Variants in NMNAT2 observed in about 807,000 individuals in gnomAD.
The protein encoded by NMNAT2 is nicotinamide nucleotide adenylyltransferase 2.
NMNAT2 carries 11 observed loss-of-function variants against 41.6 expected under a neutral mutation model. The observed-to-expected ratio is 0.26, with a 90% CI of 0.17 to 0.44. The LOEUF is 0.44. NMNAT2 is among the 20% of genes least tolerant of loss of function. The probability of loss-of-function intolerance (pLI) is 1.00; values close to 1 mark genes in which losing one functional copy is unlikely to be tolerated. For synonymous variants in NMNAT2, 148 were observed against 151.2 expected (o/e 0.98, Z 0.16); for missense variants, 288 against 407.7 (o/e 0.71, Z 2.53).
intron 1 of NMNAT2, among the ~76,000 whole-genome samples, chr1:183,353,814 A>ATCCTGT (rs1255486624): frequency 1.3e-5 from 2 of 152,174 alleles, no homozygotes; most frequent in Non-Finnish European, 2.9e-5. Flanking sequence ...AGCTGGGAAC[A>ATCCTGT]TCCTGTTCCT....
At chr1:183,412,168 G>A (rs1285518127) in intron 1 of NMNAT2, among the ~76,000 whole-genome samples, 2 of 152,216 alleles carry the variant, frequency 1.3e-5, no homozygotes, top group African/African-American at 4.8e-5. Flanking sequence ...TGGAGCAAAG[G>A]AGCAACATGA....
intron 1 of NMNAT2, among the ~76,000 whole-genome samples, chr1:183,417,817 C>T (rs1649298137): frequency 6.6e-6 from 1 of 152,206 alleles, no homozygotes; most frequent in South Asian, 2.1e-4. Context: ...CTACTCGGCG[C>T]CCCAACCTCT....
At chr1:183,408,303 G>A (rs1226761358) in intron 1 of NMNAT2, among the ~76,000 whole-genome samples, 9 of 152,160 alleles carry the variant, frequency 5.9e-5, no homozygotes, top group Admixed American at 5.9e-4. Context: ...AAAACATCCA[G>A]AGATAATACA....
At chr1:183,411,534 C>A (rs1649116966) in intron 1 of NMNAT2, among the ~76,000 whole-genome samples, 1 of 151,918 alleles carries the variant, frequency 6.6e-6, no homozygotes. Flanking sequence ...AAACTCCTGA[C>A]CTCAAGTGAT....
At chr1:183,276,392 C>T (rs1473769412) in intron 8 of NMNAT2, among the ~76,000 whole-genome samples, 3 of 152,216 alleles carry the variant, frequency 2.0e-5, no homozygotes, top group Admixed American at 6.5e-5. Flanking sequence ...GCTCTTCTCC[C>T]TGGTCCTATA....
At chr1:183,383,501 GC>G (rs34743723) in intron 1 of NMNAT2, among the ~76,000 whole-genome samples, 14,276 of 152,142 alleles carry the variant, frequency 0.094, 664 homozygotes, top group Admixed American at 0.11. Context: ...AAACTTTTAT[GC>G]TTTGCTTCCC....
chr1:183,300,490 C>T (rs1019649868), intron 1 of NMNAT2, among the ~76,000 whole-genome samples: 1 of 151,734 alleles, frequency 6.6e-6, no homozygotes, highest in African/African-American at 2.4e-5. Context: ...CTGCCTGAGC[C>T]TTTATCTTGT....
chr1:183,403,620 A>T (rs983254225), intron 1 of NMNAT2, among the ~76,000 whole-genome samples: 4 of 152,216 alleles, frequency 2.6e-5, no homozygotes, highest in African/African-American at 9.6e-5. Flanking sequence ...GCGAAGGGCA[A>T]ATTCCACATG....
intron 1 of NMNAT2, among the ~76,000 whole-genome samples, chr1:183,400,234 T>C (rs1314075791): frequency 2.0e-5 from 3 of 152,220 alleles, no homozygotes; most frequent in Admixed American, 6.5e-5. Flanking sequence ...ACAAAATCCA[T>C]GTGCAAAAAT....
At chr1:183,346,473 A>G (rs1001828145) in intron 1 of NMNAT2, among the ~76,000 whole-genome samples, 4 of 152,188 alleles carry the variant, frequency 2.6e-5, no homozygotes, top group Non-Finnish European at 4.4e-5. Flanking sequence ...GAGGCACAAC[A>G]GACCATACCA....
At chr1:183,303,472 C>A (rs1300647108) in intron 1 of NMNAT2, among the ~76,000 whole-genome samples, 1 of 152,184 alleles carries the variant, frequency 6.6e-6, no homozygotes, top group Non-Finnish European at 1.5e-5. Flanking sequence ...AGTCATTAAG[C>A]AGTTTTGCCC....
At position 183,389,808 on chromosome 1, in the gene NMNAT2, GA is replaced by G. The variant is rs1172273857; in HGVS notation, c.85+28374del. 8.1e-5 allele frequency among the ~76,000 whole-genome samples: 5 copies of G among 61,618 alleles called. 2 individuals carry two copies. The highest frequency in any genetic ancestry group is 1.6e-3 in the East Asian group (2 of 1,226). The allele number at this position is 61,618 out of a possible 152,430, so 40.4% of individuals were successfully genotyped here. A position where few individuals can be genotyped will look rare whatever the true frequency, so the allele number is the denominator to read the frequency against. ...AGAAAGAAAGAAAGAAAGAAAGAAA[GA>G]AAGAAAGAAAGAAAGAAAGAAAGAA... On this transcript the variant is annotated intron_variant, in intron 1 of 10. Coordinates refer to ENST00000287713, the MANE Select transcript of NMNAT2 (RefSeq NM_015039.4).
chr1:183,332,802 C>A (rs1386147490), intron 1 of NMNAT2, among the ~76,000 whole-genome samples: 1 of 152,198 alleles, frequency 6.6e-6, no homozygotes, highest in Non-Finnish European at 1.5e-5. Flanking sequence ...TTCAGACTTA[C>A]CAGGGGAAAT....
chr1:183,284,496 G>A (rs1028969608), intron 6 of NMNAT2, among the ~76,000 whole-genome samples: 5 of 152,234 alleles, frequency 3.3e-5, no homozygotes. Context: ...AATGTAGCAA[G>A]TGCCTGCAGG....
At chr1:183,376,893 G>T (rs1195945971) in intron 1 of NMNAT2, among the ~76,000 whole-genome samples, 1 of 152,094 alleles carries the variant, frequency 6.6e-6, no homozygotes, top group African/African-American at 2.4e-5. Flanking sequence ...GTTCAACTCT[G>T]CTCAGTTAAC....
intron 1 of NMNAT2, among the ~76,000 whole-genome samples, chr1:183,351,421 G>C (rs943701776): frequency 6.6e-6 from 1 of 151,274 alleles, no homozygotes; most frequent in African/African-American, 2.4e-5. Flanking sequence ...GAGCTCCAGG[G>C]GTGCTGAGGA....
At position 183,351,879 on chromosome 1, in the gene NMNAT2, A is replaced by T. The variant is rs1663052877; in HGVS notation, c.86-58086T>A. On this transcript the variant is annotated intron_variant, in intron 1 of 10. Coordinates refer to ENST00000287713, the MANE Select transcript of NMNAT2 (RefSeq NM_015039.4). ...AACTCATCCTAAGAGAATGTCAATA[A>T]ATCAGGAGACAAGGTGACCAGGGTG... Among the ~76,000 whole-genome samples the T allele has an allele frequency of 2.0e-5, 3 of 152,296 alleles. No homozygotes were observed. In the South Asian group the frequency reaches 6.2e-4, roughly 32 times the overall value.
intron 10 of NMNAT2, among the ~76,000 whole-genome samples, chr1:183,256,679 G>T (rs1660523099): frequency 6.6e-6 from 1 of 152,180 alleles, no homozygotes; most frequent in Admixed American, 6.5e-5. Context: ...GCTTCATGTT[G>T]TGTTGTTGAA....
chr1:183,273,950 T>C (rs1156253353), intron 8 of NMNAT2, among the ~76,000 whole-genome samples: 1 of 150,048 alleles, frequency 6.7e-6, no homozygotes, highest in East Asian at 2.0e-4. Flanking sequence ...TGGAGTCTTG[T>C]CACTCAGGCT....
Sources: gnomAD v4.1 joint callset for allele counts (sites outside exome capture counted in the v4.1 genomes callset) on GRCh38, gnomAD v4.1.1 for gene constraint, MANE v1.5 for transcripts, NCBI Gene and HGNC (gene_info 2026-07-23, HGNC 2026-07-21) for gene names.